Variants in SCIN observed in about 807,000 individuals in gnomAD.
SCIN encodes scinderin, also known as adseverin.
In SCIN, 91 loss-of-function variants were observed where a neutral mutation model predicts 91.8. That is an observed-to-expected ratio of 0.99 (90% CI 0.84 to 1.18). The LOEUF is 1.18. Ranked by LOEUF, SCIN falls within the 50% of genes most tolerant of loss-of-function variation. The pLI, the probability that SCIN is intolerant of heterozygous loss-of-function variation, is 0.00. For missense variants in SCIN, 1,087 were observed against 863.9 expected (o/e 1.26, Z -3.24); for synonymous variants, 367 against 312.6 (o/e 1.17, Z -1.84).
chr7:12,610,584 T>C (rs1380851525), intron 4 of SCIN, among the ~76,000 whole-genome samples: 1 of 152,204 alleles, frequency 6.6e-6, no homozygotes, highest in Non-Finnish European at 1.5e-5. Flanking sequence ...TGCTTGTTTT[T>C]CTGTTTTTTA....
intron 3 of SCIN, among the ~76,000 whole-genome samples, chr7:12,604,256 T>C (rs1783025018): frequency 6.6e-6 from 1 of 152,190 alleles, no homozygotes; most frequent in East Asian, 1.9e-4. Flanking sequence ...TGTTTACTTT[T>C]ATAAATTGTA....
chr7:12,583,690 A>C (rs1015261413), intron 3 of SCIN, among the ~76,000 whole-genome samples: 1 of 152,056 alleles, frequency 6.6e-6, no homozygotes, highest in African/African-American at 2.4e-5. Context: ...ACTATGGGCC[A>C]GGTAGTTGGG....
At chr7:12,592,553 T>C (rs1782747610) in intron 3 of SCIN, among the ~76,000 whole-genome samples, 1 of 150,868 alleles carries the variant, frequency 6.6e-6, no homozygotes, top group Non-Finnish European at 1.5e-5. Flanking sequence ...AAGTGGGTAC[T>C]GGGGAAAGGG....
chr7:12,615,948 G>C (rs1783290056), intron 4 of SCIN, among the ~76,000 whole-genome samples: 1 of 151,988 alleles, frequency 6.6e-6, no homozygotes, highest in Non-Finnish European at 1.5e-5. Context: ...TTCCTCAAAG[G>C]ATAAGATGAG....
At chr7:12,597,881 A>G (rs183768998) in intron 3 of SCIN, among the ~76,000 whole-genome samples, 1 of 152,320 alleles carries the variant, frequency 6.6e-6, no homozygotes, top group East Asian at 1.9e-4. Flanking sequence ...ATGTTCATAT[A>G]CAATATGTAC....
intron 4 of SCIN, among the ~76,000 whole-genome samples, chr7:12,621,732 T>C (rs1201181669): frequency 6.6e-6 from 1 of 151,278 alleles, no homozygotes; most frequent in South Asian, 2.1e-4. Flanking sequence ...TAAAACATTT[T>C]ATTGATCACA....
intron 1 of SCIN, among the ~76,000 whole-genome samples, chr7:12,575,253 G>C (rs1001567028): frequency 1.9e-4 from 29 of 149,812 alleles, no homozygotes; most frequent in African/African-American, 7.1e-4. Flanking sequence ...TTTTTTTTTG[G>C]ATAGGTCTCT....
At chr7:12,650,713 G>A (rs939803633) in intron 14 of SCIN, among the ~76,000 whole-genome samples, 1 of 152,120 alleles carries the variant, frequency 6.6e-6, no homozygotes, top group Non-Finnish European at 1.5e-5. Flanking sequence ...TGACAAGGAG[G>A]AGGATATATA....
rs1320626245 is a variant in SCIN at position 12,629,216 on chromosome 7, A to G, written c.1313A>G (p.Tyr438Cys). ...LYTYPRGQII[Y>C]TWQGANATRD... ...ACCTATCCCAGAGGACAGATTATCT[A>G]CACGTGGTGAGTTTATACGGGTAAA... is the stretch of plus-strand genomic sequence containing the variant. Residue 438 changes from tyrosine (Y) to cysteine (C), a missense_variant, in exon 9 of 16, where the codon TAC (tyrosine) becomes TGC (cysteine). Tyr to Cys is a radical substitution (Grantham distance 194, BLOSUM62 -2). Coordinates refer to ENST00000297029, the MANE Select transcript of SCIN (RefSeq NM_001112706.3). The G allele has an allele frequency of 1.2e-6, 2 of 1,609,282 alleles. No homozygotes were observed. Among genetic ancestry groups the G allele is most frequent in the African/African-American group, 1.3e-5 (1 of 74,738 alleles).
chr7:12,637,620 G>A (rs1399509252), intron 10 of SCIN, among the ~76,000 whole-genome samples: 2 of 151,808 alleles, frequency 1.3e-5, no homozygotes, highest in Non-Finnish European at 2.9e-5. Context: ...AGGAAGAAAT[G>A]AGACAAGTAA....
chr7:12,633,078 T>C (rs986181099), intron 9 of SCIN, among the ~76,000 whole-genome samples: 5 of 152,250 alleles, frequency 3.3e-5, no homozygotes, highest in Non-Finnish European at 5.9e-5. Context: ...CGTTGAAGAC[T>C]GGCTTTTAAA....
At chr7:12,629,247 C>T (rs190811952) in intron 9 of SCIN, 25 bp downstream of exon 9, 185 of 1,583,324 alleles carry the variant, frequency 1.2e-4, no homozygotes, top group Admixed American at 2.9e-4. Flanking sequence ...GTAAAGATCT[C>T]GAGTTCCACA....
At chr7:12,608,247 A>T (rs1010104331) in intron 4 of SCIN, among the ~76,000 whole-genome samples, 27 of 152,132 alleles carry the variant, frequency 1.8e-4, no homozygotes, top group African/African-American at 6.3e-4. Context: ...TGCATTTAGC[A>T]AATATTTTTC....
chr7:12,635,611 CAAAA>C (rs59324421), intron 9 of SCIN, among the ~76,000 whole-genome samples: 1 of 5,856 alleles, frequency 1.7e-4, no homozygotes, highest in African/African-American at 3.4e-4. Context: ...GACTCCGTCT[CAAAA>C]AAAAAAAAAA....
intron 9 of SCIN, among the ~76,000 whole-genome samples, chr7:12,631,816 C>T (rs1783649365): frequency 6.6e-6 from 1 of 152,080 alleles, no homozygotes; most frequent in African/African-American, 2.4e-5. Context: ...AAGACAGGCT[C>T]CTAGAAAAAG....
rs892916941 is a variant in SCIN, at chr7:12,654,555, A to G, written c.*1840A>G. ...ATAATTTTTAAAAATATTTATAAAT[A>G]TCTTCTGGGTCAAGCTGAATATTTT... On this transcript the variant is annotated 3_prime_UTR_variant, in exon 16 of 16. Transcript: ENST00000297029. 1.3e-5 allele frequency: 2 copies of G among 152,232 alleles called. No homozygotes were observed. The highest frequency in any genetic ancestry group is 6.5e-5 in the Admixed American group (1 of 15,288). 9.4% of individuals were successfully genotyped at this position (152,232 alleles called of 1,614,324 possible).
In SCIN at chr7:12,657,573, T is replaced by TATATATATATA. The variant is rs1491092212; in HGVS notation, c.*4858_*4859insATATATATATA. On this transcript the variant is annotated 3_prime_UTR_variant, in exon 16 of 16. Transcript: ENST00000297029. ...ATATATATATATATATATATATATA[T>TATATATATATA]TTTTTTTTTTTTTTTTTTTTTTTTT... 27 of 15,224 alleles carry TATATATATATA rather than the reference T, an allele frequency of 1.8e-3. No homozygotes were observed. Among genetic ancestry groups the TATATATATATA allele is most frequent in the South Asian group, 8.7e-3 (2 of 230 alleles). The allele number at this position is 15,224 out of a possible 1,614,324, so 0.9% of individuals were successfully genotyped here. A position where few individuals can be genotyped will look rare whatever the true frequency, so the allele number is the denominator to read the frequency against.
chr7:12,589,732 T>A (rs1302855932), intron 3 of SCIN, among the ~76,000 whole-genome samples: 1 of 152,026 alleles, frequency 6.6e-6, no homozygotes, highest in East Asian at 1.9e-4. Flanking sequence ...GACCCCTTCG[T>A]GGGGTTTTGG....
At chr7:12,632,166 G>A (rs953716717) in intron 9 of SCIN, among the ~76,000 whole-genome samples, 3 of 139,934 alleles carry the variant, frequency 2.1e-5, no homozygotes, top group East Asian at 4.2e-4. Context: ...GTCTCACTCT[G>A]TTGCCCAGGC....
Sources: allele counts gnomAD v4.1 joint callset (sites outside exome capture counted in the v4.1 genomes callset), GRCh38; gene constraint gnomAD v4.1.1; transcripts MANE v1.5; gene names NCBI Gene and HGNC (gene_info 2026-07-23, HGNC 2026-07-21).